The following GAS2 variants were observed in gnomAD, a reference collection of about 807,000 sequenced individuals.
GAS2 encodes the protein growth arrest-specific protein 2.
Under a neutral mutation model 37.5 loss-of-function variants are expected in GAS2, and 20 were observed. The observed-to-expected ratio is 0.53, with a 90% CI of 0.37 to 0.77. The LOEUF is 0.77. Among genes scored for constraint, GAS2 ranks in the 30% least tolerant of loss-of-function variants. The pLI, the probability that GAS2 is intolerant of heterozygous loss-of-function variation, is 0.00. For synonymous variants in GAS2, 144 were observed against 132.2 expected, an observed-to-expected ratio of 1.09 and a Z score of -0.61; for missense variants, 336 against 373.4, an observed-to-expected ratio of 0.90 and a Z score of 0.82.
At position 22,720,334 on chromosome 11, in the gene GAS2, C is replaced by T. The variant is rs1275736500; in HGVS notation, c.268-5958C>T. On this transcript the variant is annotated intron_variant, in intron 3 of 7. Transcript: ENST00000454584. Reference sequence around the variant, plus strand: ...TGTGTTCAACTGTCCTAAATCATAGCTCACTGCTTGAGGCACAGGGTCTTA... The same window carrying T: ...TGTGTTCAACTGTCCTAAATCATAGTTCACTGCTTGAGGCACAGGGTCTTA... Among the ~76,000 whole-genome samples, 3 of 151,976 alleles carry T rather than the reference C, an allele frequency of 2.0e-5. No homozygotes were observed. In the East Asian group the frequency reaches 5.8e-4, roughly 29 times the overall value.
chr11:22,646,798 A>G (rs1355113435), intron 1 of GAS2, among the ~76,000 whole-genome samples: 1 of 152,024 alleles, frequency 6.6e-6, no homozygotes, highest in Non-Finnish European at 1.5e-5. Context: ...TTGCTTTGTC[A>G]TTCTTATAAA....
At chr11:22,645,819 GTTTTC>G (rs1171764597) in intron 1 of GAS2, among the ~76,000 whole-genome samples, 1 of 146,742 alleles carries the variant, frequency 6.8e-6, no homozygotes, top group Non-Finnish European at 1.5e-5. Flanking sequence ...AGCAGTATTT[GTTTTC>G]TTTTCTTTTT....
At chr11:22,747,891 C>G (rs2134281940) in intron 5 of GAS2, among the ~76,000 whole-genome samples, 1 of 152,170 alleles carries the variant, frequency 6.6e-6, no homozygotes, top group East Asian at 1.9e-4. Flanking sequence ...AACAAAACAT[C>G]AAGAATAGGG....
intron 1 of GAS2, among the ~76,000 whole-genome samples, chr11:22,632,742 C>A (rs1043185107): frequency 5.3e-5 from 8 of 151,308 alleles, no homozygotes; most frequent in Admixed American, 6.6e-5. Flanking sequence ...AGATTTTATT[C>A]GTTTCTTTTC....
At chr11:22,699,468 G>A (rs767549556) in intron 3 of GAS2, among the ~76,000 whole-genome samples, 9 of 152,124 alleles carry the variant, frequency 5.9e-5, no homozygotes, top group Non-Finnish European at 8.8e-5. Flanking sequence ...AGAGAAAAAA[G>A]ACATGTGAAG....
chr11:22,741,053 A>G (rs1853047756), intron 5 of GAS2, among the ~76,000 whole-genome samples: 1 of 152,200 alleles, frequency 6.6e-6, no homozygotes, highest in Admixed American at 6.5e-5. Flanking sequence ...AACCATAAAC[A>G]TCACTTTGGA....
chr11:22,714,340 A>G (rs1851558345), intron 3 of GAS2, among the ~76,000 whole-genome samples: 1 of 152,200 alleles, frequency 6.6e-6, no homozygotes, highest in South Asian at 2.1e-4. Context: ...TTCTAAATAC[A>G]TATGCACCTA....
chr11:22,632,052 G>T lies in GAS2; in HGVS notation c.-21+6239G>T, dbSNP rs530331086. Reference sequence around the variant, plus strand: ...TATGTCTTCATGATTCAATCTAGGAGGGTTGTGTGTTTCAAGAAATGTATT... The same window carrying T: ...TATGTCTTCATGATTCAATCTAGGATGGTTGTGTGTTTCAAGAAATGTATT... On this transcript the variant is annotated intron_variant, in intron 1 of 5. Transcript: ENST00000528582. Among the ~76,000 whole-genome samples the T allele has an allele frequency of 1.6e-4, 24 of 151,400 alleles. No individual in the cohort carries two copies. In the South Asian group the frequency reaches 3.1e-3, roughly 20 times the overall value.
In GAS2 at chr11:22,709,016, T is replaced by C. The variant is rs564211706; in HGVS notation, c.268-17276T>C. On this transcript the variant is annotated intron_variant, in intron 3 of 7. Transcript: ENST00000454584. The stretch of plus-strand genomic sequence containing the variant: ...ATGGCTACAGGAGACAGAGGGCCCA[T>C]GGTAGTAGAGTAGACAGTGTGCAGG... Among the ~76,000 whole-genome samples the C allele has an allele frequency of 1.5e-4, 23 of 152,182 alleles. No homozygotes were observed. In the Middle Eastern group the frequency reaches 0.01, roughly 68 times the overall value.
At chr11:22,696,509 A>C (rs1850525054) in intron 3 of GAS2, among the ~76,000 whole-genome samples, 2 of 152,076 alleles carry the variant, frequency 1.3e-5, no homozygotes, top group African/African-American at 2.4e-5. Context: ...ATCCCTGAGG[A>C]ATCGCCACAC....
intron 7 of GAS2, among the ~76,000 whole-genome samples, chr11:22,768,709 A>G (rs1854822527): frequency 6.6e-6 from 1 of 152,182 alleles, no homozygotes; most frequent in Non-Finnish European, 1.5e-5. Context: ...ACCTTGGTTC[A>G]CAGTCTCTAA....
intron 3 of GAS2, among the ~76,000 whole-genome samples, chr11:22,703,933 C>G (rs999110590): frequency 2.6e-5 from 4 of 152,088 alleles, no homozygotes; most frequent in Non-Finnish European, 5.9e-5. Flanking sequence ...GCCTCGCTAG[C>G]ATTGCTGTTT....
At chr11:22,746,335 T>G (rs1231656458) in intron 5 of GAS2, among the ~76,000 whole-genome samples, 2 of 152,130 alleles carry the variant, frequency 1.3e-5, no homozygotes, top group African/African-American at 4.8e-5. Context: ...GAACCACTAT[T>G]CAACCCATCA....
chr11:22,635,628 A>G (rs2133809879), intron 1 of GAS2, among the ~76,000 whole-genome samples: 1 of 152,284 alleles, frequency 6.6e-6, no homozygotes. Context: ...GGCTTATAGT[A>G]CTTCCCACTT....
At chr11:22,803,075 T>C (rs1307588291) in intron 7 of GAS2, among the ~76,000 whole-genome samples, 3 of 152,152 alleles carry the variant, frequency 2.0e-5, no homozygotes, top group Non-Finnish European at 2.9e-5. Flanking sequence ...GTTCTCATTG[T>C]TACGTGTTGC....
At chr11:22,750,681 T>C (rs893603421) in intron 6 of GAS2, among the ~76,000 whole-genome samples, 1 of 152,072 alleles carries the variant, frequency 6.6e-6, no homozygotes, top group African/African-American at 2.4e-5. Flanking sequence ...TAGATAATGA[T>C]CTATTGTTTA....
intron 1 of GAS2, among the ~76,000 whole-genome samples, chr11:22,631,792 G>A (rs755968841): frequency 6.6e-6 from 1 of 151,498 alleles, no homozygotes; most frequent in Non-Finnish European, 1.5e-5. Context: ...TTTTTGTTAT[G>A]TCTTTTCCTG....
chr11:22,786,166 T>G (rs1264872433), intron 7 of GAS2, among the ~76,000 whole-genome samples: 2 of 152,144 alleles, frequency 1.3e-5, no homozygotes, highest in Non-Finnish European at 2.9e-5. Context: ...TTAGTTCTGT[T>G]AAAACAATCA....
chr11:22,775,284 C>T (rs1855199801), intron 7 of GAS2, among the ~76,000 whole-genome samples: 1 of 152,110 alleles, frequency 6.6e-6, no homozygotes, highest in African/African-American at 2.4e-5. Flanking sequence ...ACCGTTTTGG[C>T]TTGGAGAGTG....
Sources: allele counts gnomAD v4.1 joint callset (sites outside exome capture counted in the v4.1 genomes callset), GRCh38; gene constraint gnomAD v4.1.1; transcripts MANE v1.5; gene names NCBI Gene and HGNC (gene_info 2026-07-23, HGNC 2026-07-21).